Variants in CCDC42 observed in about 807,000 individuals in gnomAD.
CCDC42 encodes the protein coiled-coil domain containing 42, also known as coiled-coil domain-containing protein 42.
CCDC42 carries 38 observed loss-of-function variants against 40.8 expected under a neutral mutation model. The observed-to-expected ratio is 0.93, with a 90% CI of 0.72 to 1.22. The LOEUF is 1.22. CCDC42 is among the 50% of genes most tolerant of loss of function. CCDC42 has a pLI of 0.00. For synonymous variants in CCDC42, 135 were observed against 157.5 expected, an observed-to-expected ratio of 0.86 and a Z score of 1.07; for missense variants, 379 against 416.5, an observed-to-expected ratio of 0.91 and a Z score of 0.78.
At chr17:8,743,916 C>T (rs762286294) in intron 2 of CCDC42, among the ~76,000 whole-genome samples, 163 bp downstream of exon 2, 8 of 152,068 alleles carry the variant, frequency 5.3e-5, no homozygotes, top group Non-Finnish European at 1.2e-4. Context: ...ACCCCCAAGA[C>T]CCAGATCCTT....
intron 6 of CCDC42, among the ~76,000 whole-genome samples, chr17:8,732,023 G>A (rs1050200673): frequency 4.0e-5 from 6 of 151,068 alleles, no homozygotes; most frequent in Non-Finnish European, 7.4e-5. Context: ...AATTAAGGCC[G>A]GGCGCGGTGG....
chr17:8,744,471 G>A (rs1459026369), intron 1 of CCDC42, 56 bp downstream of exon 1: 46 of 1,358,384 alleles, frequency 3.4e-5, no homozygotes, highest in Non-Finnish European at 4.2e-5. Flanking sequence ...GGTATGGGGT[G>A]GGTGTGAGTG....
rs2086609148 is a variant in CCDC42, at chr17:8,735,877, C to T, written c.493-266G>A. On this transcript the variant is annotated intron_variant, in intron 4 of 6. Coordinates refer to ENST00000293845, the MANE Select transcript of CCDC42 (RefSeq NM_144681.3). The surrounding 1 kb of genome is among the most constrained non-coding windows in gnomAD (Gnocchi z 4.7). The stretch of plus-strand genomic sequence containing the variant: ...TTCGACTTTAACTGCATGTGAGAAT[C>T]ACCTGTAGGGGCTTTAAAAAGGACA... Among the ~76,000 whole-genome samples the T allele has an allele frequency of 6.6e-6, 1 of 152,190 alleles. No homozygotes were observed. The highest frequency in any genetic ancestry group is 1.9e-4 in the East Asian group (1 of 5,188).
intron 4 of CCDC42, among the ~76,000 whole-genome samples, chr17:8,736,312 T>C (rs2086611170): frequency 6.6e-6 from 1 of 152,184 alleles, no homozygotes; most frequent in Non-Finnish European, 1.5e-5. Context: ...CTCTGGTATT[T>C]GTTCATTTAC....
At position 8,744,020 on chromosome 17, in the gene CCDC42, G is replaced by A. The variant is rs530286732; in HGVS notation, c.189+59C>T. ...GGAGGGCTGTCCACAGGCTCTCCCA[G>A]AGCCCCAGCCCACCCCCTTCCTTTC... On this transcript the variant is annotated intron_variant, in intron 2 of 6. Coordinates refer to ENST00000293845, the MANE Select transcript of CCDC42 (RefSeq NM_144681.3). 1.1e-5 allele frequency: 14 copies of A among 1,238,658 alleles called. No homozygotes were observed. The Admixed American group carries it at 1.7e-4, about 15-fold the overall frequency. 76.7% of individuals were successfully genotyped at this position (1,238,658 alleles called of 1,614,324 possible). A position where few individuals can be genotyped will look rare whatever the true frequency, so the allele number is the denominator to read the frequency against.
chr17:8,737,549 CT>C (rs2086619560), intron 4 of CCDC42, among the ~76,000 whole-genome samples: 2 of 152,194 alleles, frequency 1.3e-5, no homozygotes, highest in East Asian at 3.8e-4. Flanking sequence ...AGGAAAGGAT[CT>C]CTTTATGAAG....
At position 8,743,718 on chromosome 17, in the gene CCDC42, T is replaced by G; in HGVS notation, c.202A>C (p.Arg68=). The G allele has an allele frequency of 6.2e-7, 1 of 1,600,478 alleles. No homozygotes were observed. The highest frequency in any genetic ancestry group is 8.6e-7 in the Non-Finnish European group (1 of 1,167,808). Residue 68 remains arginine, a synonymous_variant, in exon 3 of 7, where the codon AGA becomes CGA. Transcript: ENST00000293845. ...MVQKKKMFQR[R]METLNLRWEE... ...CAGCGCAGGTTCAGGGTTTCCATTC[T>G]GCGCTGAAACATCTTTGGGGTGGGG...
At position 8,740,404 on chromosome 17, in the gene CCDC42, C is replaced by CT. The variant is rs569314446; in HGVS notation, c.492+1069dup. The stretch of plus-strand genomic sequence containing the variant: ...TCGGGAGGCTGAGGCGGGAGAATCA[C>CT]TTGAAAACCGGAAGGTGGAGGTTGC... On this transcript the variant is annotated intron_variant, in intron 4 of 6. Transcript: ENST00000293845. Among the ~76,000 whole-genome samples the CT allele has an allele frequency of 2.1e-3, 319 of 149,250 alleles. 2 individuals carry two copies. Among genetic ancestry groups the CT allele is most frequent in the African/African-American group, 7.5e-3 (302 of 40,274 alleles).
Position 8,735,584 on chromosome 17 carries a change from G to A in CCDC42, c.520C>T (p.Arg174Cys), listed in dbSNP as rs766057119. The A allele has an allele frequency of 1.4e-5, 22 of 1,613,888 alleles. No homozygotes were observed. In the South Asian group the frequency reaches 1.8e-4, roughly 13 times the overall value. Reference sequence around the variant, plus strand: ...CGCATGCTCACCAGCGTCTTGTAGCGTGCAATCACCTCATGGATCTCCTCG... The same window carrying A: ...CGCATGCTCACCAGCGTCTTGTAGCATGCAATCACCTCATGGATCTCCTCG... ...EFEEIHEVIA[R>C]YKTLVSMRHD... The change falls in exon 5 of 7, where the codon CGC becomes TGC. Residue 174 changes from arginine (R) to cysteine (C), a missense_variant. Physicochemically the swap from Arg to Cys is radical, Grantham distance 180. Coordinates refer to ENST00000293845, the MANE Select transcript of CCDC42 (RefSeq NM_144681.3). This position sits in a 1 kb window ranked among gnomAD's most constrained non-coding sequence, Gnocchi z 4.7.
At chr17:8,733,937 A>G (rs986589213) in intron 6 of CCDC42, among the ~76,000 whole-genome samples, 2 of 152,144 alleles carry the variant, frequency 1.3e-5, no homozygotes, top group African/African-American at 4.8e-5. Context: ...TTTTTACGAT[A>G]ATATTAAAAT....
At chr17:8,740,489 C>CAAAAA (rs750740758) in intron 4 of CCDC42, among the ~76,000 whole-genome samples, 7 of 58,774 alleles carry the variant, frequency 1.2e-4, no homozygotes, top group African/African-American at 4.1e-4. Flanking sequence ...AACTCCGTCT[C>CAAAAA]AAAAAAAAAA....
chr17:8,730,234 A>T (rs750243596), intron 6 of CCDC42, 27 bp from the exon 7 acceptor site: 13 of 1,591,824 alleles, frequency 8.2e-6, no homozygotes, highest in Non-Finnish European at 1.1e-5. Flanking sequence ...CCCAGCGTTA[A>T]CTCCGCCCCC....
chr17:8,737,232 A>G (rs1332623199), intron 4 of CCDC42, among the ~76,000 whole-genome samples: 1 of 152,236 alleles, frequency 6.6e-6, no homozygotes, highest in Admixed American at 6.5e-5. Flanking sequence ...AGTGTACCAC[A>G]GTTCAAATAA....
intron 3 of CCDC42, 43 bp from the exon 4 acceptor site, chr17:8,741,714 G>T: frequency 6.3e-7 from 1 of 1,582,944 alleles, no homozygotes; most frequent in Admixed American, 1.8e-5. Flanking sequence ...GCCTCGCCCA[G>T]CCCTCCCGGG....
chr17:8,738,686 G>A (rs367947476), intron 4 of CCDC42, among the ~76,000 whole-genome samples: 1 of 152,092 alleles, frequency 6.6e-6, no homozygotes, highest in Non-Finnish European at 1.5e-5. Flanking sequence ...GGGTGGTCTC[G>A]AACTCCTGAC....
chr17:8,742,175 C>T (rs1204985910), intron 3 of CCDC42, among the ~76,000 whole-genome samples: 1 of 152,126 alleles, frequency 6.6e-6, no homozygotes, highest in African/African-American at 2.4e-5. Context: ...GCAGAAGGAC[C>T]ACTCCCGGAC....
At position 8,743,644 on chromosome 17, in the gene CCDC42, C is replaced by G; in HGVS notation, c.276G>C (p.Lys92Asn). The G allele has an allele frequency of 6.2e-7, 1 of 1,610,438 alleles. No homozygotes were observed. Among genetic ancestry groups the G allele is most frequent in the Non-Finnish European group, 8.5e-7 (1 of 1,176,710 alleles). The change falls in exon 3 of 7, where the codon AAG (lysine) becomes AAC (asparagine). Residue 92 changes from lysine to asparagine, a missense_variant. Physicochemically the swap from Lys to Asn is moderately conservative, Grantham distance 94. Transcript: ENST00000293845. ...KEAQLKAHIQ[K>N]SEQFIQENDQ... is the part of the protein sequence containing the mutation. ...TTCAAACCTGGATGAACTGCTCAGA[C>G]TTCTGGATGTGAGCCTTCAGTTGGG...
intron 6 of CCDC42, among the ~76,000 whole-genome samples, chr17:8,730,618 G>A (rs1045213735): frequency 6.6e-6 from 1 of 152,164 alleles, no homozygotes; most frequent in Admixed American, 6.5e-5. Flanking sequence ...GGGATTACAG[G>A]CATGAGACAC....
rs1327185323 is a variant in CCDC42, at chr17:8,744,800, G to C, written c.-191C>G. On this transcript the variant is annotated 5_prime_UTR_variant, in exon 1 of 7. Coordinates refer to ENST00000293845, the MANE Select transcript of CCDC42 (RefSeq NM_144681.3). ...CAGGTTGGGCGGCTCAGGACGATGTGCTGGGGCAGTTATGGGAGATGTGGT... is the reference window on the plus strand; with the variant it reads ...CAGGTTGGGCGGCTCAGGACGATGTCCTGGGGCAGTTATGGGAGATGTGGT... 1 of 604,144 alleles carries C rather than the reference G, an allele frequency of 1.7e-6. No individual in the cohort carries two copies. Among genetic ancestry groups the C allele is most frequent in the East Asian group, 2.8e-5 (1 of 35,994 alleles). The allele number at this position is 604,144 out of a possible 1,614,324, so 37.4% of individuals were successfully genotyped here. A position where few individuals can be genotyped will look rare whatever the true frequency, so the allele number is the denominator to read the frequency against.
Sources: gnomAD v4.1 joint callset for allele counts (sites outside exome capture counted in the v4.1 genomes callset) on GRCh38, gnomAD v4.1.1 for gene constraint, Gnocchi (gnomAD v3.1) non-coding constraint, MANE v1.5 for transcripts, NCBI Gene and HGNC (gene_info 2026-07-23, HGNC 2026-07-21) for gene names.